PLPP7: variants seen among roughly 807,000 people sequenced by gnomAD.
PLPP7 encodes phospholipid phosphatase 7 (inactive), also known as inactive phospholipid phosphatase 7.
In PLPP7, 11 loss-of-function variants were observed where a neutral mutation model predicts 16.9. The ratio of observed to expected loss-of-function variants is 0.65; its 90% CI spans 0.41 to 1.08. The LOEUF (loss-of-function observed/expected upper bound fraction) is 1.08, where lower values mean the gene tolerates loss of function less well. Ranked by LOEUF, PLPP7 falls within the 50% of genes least tolerant of loss-of-function variation. The pLI is 0.00. For missense variants in PLPP7, 358 were observed against 397.1 expected (o/e 0.90, Z 0.84); for synonymous variants, 174 against 175.1 (o/e 0.99, Z 0.05).
At chr9:131,293,405 G>A (rs985520599) in intron 1 of PLPP7, among the ~76,000 whole-genome samples, 3 of 152,224 alleles carry the variant, frequency 2.0e-5, no homozygotes, top group African/African-American at 7.2e-5. Context: ...GAGCAGGCCG[G>A]GTGGGTCTGG....
At chr9:131,291,178 A>T in intron 1 of PLPP7, 1 of 1,365,582 alleles carries the variant, frequency 7.3e-7, no homozygotes, top group African/African-American at 1.5e-5. Context: ...CTCCACCCAG[A>T]GGTGATGCCC....
chr9:131,305,220 C>T (rs994272698), intron 1 of PLPP7, among the ~76,000 whole-genome samples: 9 of 152,176 alleles, frequency 5.9e-5, no homozygotes, highest in African/African-American at 1.4e-4. Context: ...AGCCGAAAGG[C>T]GCAAACAACT....
chr9:131,297,298 C>T (rs985228638), intron 1 of PLPP7, among the ~76,000 whole-genome samples: 23 of 152,204 alleles, frequency 1.5e-4, no homozygotes, highest in African/African-American at 4.1e-4. Context: ...GAATAACCAG[C>T]GCCATCAGTC....
chr9:131,298,971 G>T (rs562058849), intron 1 of PLPP7, among the ~76,000 whole-genome samples: 1 of 152,348 alleles, frequency 6.6e-6, no homozygotes, highest in South Asian at 2.1e-4. Flanking sequence ...AGTGGAGCTG[G>T]TTGGGACGGA....
intron 1 of PLPP7, among the ~76,000 whole-genome samples, chr9:131,300,271 A>G (rs485314): frequency 0.67 from 101,915 of 152,036 alleles, 35,076 homozygotes; most frequent in Middle Eastern, 0.78. Context: ...CCATTCATAA[A>G]GGGAGAGCCC....
chr9:131,293,243 C>CA (rs201507305), intron 1 of PLPP7, among the ~76,000 whole-genome samples: 4 of 97,992 alleles, frequency 4.1e-5, no homozygotes, highest in Non-Finnish European at 9.2e-5. Context: ...GGCTGCAGGT[C>CA]GGGCATATCA....
chr9:131,305,473 G>A (rs1001988221), intron 1 of PLPP7, among the ~76,000 whole-genome samples: 10 of 151,256 alleles, frequency 6.6e-5, no homozygotes, highest in Admixed American at 1.3e-4. Context: ...AGGATCTCTC[G>A]AGCCCAGGAA....
At position 131,298,984 on chromosome 9, in the gene PLPP7, A is replaced by C. The variant is rs547777221; in HGVS notation, c.451+8536A>C. Among the ~76,000 whole-genome samples, 10 of 152,166 alleles carry C rather than the reference A, an allele frequency of 6.6e-5. 1 individual carries two copies. Among genetic ancestry groups the C allele is most frequent in the South Asian group, 4.2e-4 (2 of 4,810 alleles). ...AAAGTGGAGCTGGTTGGGACGGAAGAGCGTGAGGGGTGGTGGACAAGCCCT... is the reference window on the plus strand; with the variant it reads ...AAAGTGGAGCTGGTTGGGACGGAAGCGCGTGAGGGGTGGTGGACAAGCCCT... On this transcript the variant is annotated intron_variant, in intron 1 of 1. Transcript: ENST00000372264.
At chr9:131,304,565 G>T (rs1469889636) in intron 1 of PLPP7, among the ~76,000 whole-genome samples, 2 of 152,186 alleles carry the variant, frequency 1.3e-5, no homozygotes, top group Non-Finnish European at 2.9e-5. Flanking sequence ...AACCCGGAAG[G>T]CGGAGATTGC....
At chr9:131,298,597 G>T (rs1352934291) in intron 1 of PLPP7, among the ~76,000 whole-genome samples, 1 of 152,190 alleles carries the variant, frequency 6.6e-6, no homozygotes, top group African/African-American at 2.4e-5. Context: ...GCCACAAAGG[G>T]CCACACTAGG....
At chr9:131,291,018 T>C (rs2131211421) in intron 1 of PLPP7, 1 of 1,342,302 alleles carries the variant, frequency 7.4e-7, no homozygotes, top group East Asian at 4.6e-5. Context: ...AGTTCTTCCC[T>C]GCTCCTTCCC....
chr9:131,292,536 T>C (rs570685785), intron 1 of PLPP7, among the ~76,000 whole-genome samples: 3 of 152,310 alleles, frequency 2.0e-5, no homozygotes, highest in South Asian at 2.1e-4. Context: ...TAGTCAGTGA[T>C]GGAGCCAGGA....
intron 1 of PLPP7, among the ~76,000 whole-genome samples, chr9:131,302,215 A>T (rs976707523): frequency 4.6e-5 from 7 of 151,794 alleles, no homozygotes; most frequent in Non-Finnish European, 1.0e-4. Flanking sequence ...CCCACCTGTG[A>T]CTCCAGAGCC....
intron 1 of PLPP7, among the ~76,000 whole-genome samples, chr9:131,304,327 G>GGAA: frequency 6.6e-6 from 1 of 152,186 alleles, no homozygotes; most frequent in East Asian, 1.9e-4. Context: ...GGTCTCCCCT[G>GGAA]TGTTTCCGAA....
In PLPP7 at chr9:131,290,269, G is replaced by A; in HGVS notation, c.272G>A (p.Cys91Tyr). ...AFNSLLAIDICMSKRLGVCAG... is the reference protein window; with the variant it reads ...AFNSLLAIDIYMSKRLGVCAG... ...AACTCCCTGCTGGCCATCGATATCT[G>A]TATGTCCAAGCGGCTGGGGGTGTGC... is the stretch of plus-strand genomic sequence containing the variant. Residue 91 changes from cysteine (C) to tyrosine (Y), a missense_variant, in exon 1 of 2, where the codon TGT (cysteine) becomes TAT (tyrosine). By Grantham distance (194) the Cys-to-Tyr change is radical. Coordinates refer to ENST00000372264, the MANE Select transcript of PLPP7 (RefSeq NM_032728.4). The surrounding 1 kb of genome is among the most constrained non-coding windows in gnomAD (Gnocchi z 4.2). 1 of 1,612,578 alleles carries A rather than the reference G, an allele frequency of 6.2e-7. No individual in the cohort carries two copies. The highest frequency in any genetic ancestry group is 8.5e-7 in the Non-Finnish European group (1 of 1,179,302).
In PLPP7 at chr9:131,296,241, G is replaced by GT. The variant is rs1835733715; in HGVS notation, c.451+5799dup. On this transcript the variant is annotated intron_variant, in intron 1 of 1. Coordinates refer to ENST00000372264, the MANE Select transcript of PLPP7 (RefSeq NM_032728.4). ...TTGTGGTTTTGGGTATTTTTTGTTT[G>GT]TTTTTTGTTTCGTTTTGGGGGTTTT... Among the ~76,000 whole-genome samples the GT allele has an allele frequency of 4.6e-5, 7 of 152,182 alleles. No individual in the cohort carries two copies. In the South Asian group the frequency reaches 1.2e-3, roughly 27 times the overall value.
At chr9:131,302,279 C>A (rs1339225638) in intron 1 of PLPP7, among the ~76,000 whole-genome samples, 1 of 152,170 alleles carries the variant, frequency 6.6e-6, no homozygotes, top group Admixed American at 6.5e-5. Flanking sequence ...GTGGAGAAAG[C>A]CTGTCACCAG....
At chr9:131,298,378 C>T (rs1323926550) in intron 1 of PLPP7, among the ~76,000 whole-genome samples, 3 of 152,174 alleles carry the variant, frequency 2.0e-5, no homozygotes, top group African/African-American at 7.2e-5. Flanking sequence ...TCCTCCCAAC[C>T]CAGCCGGAGA....
chr9:131,298,831 G>A (rs962685681), intron 1 of PLPP7, among the ~76,000 whole-genome samples: 1 of 152,200 alleles, frequency 6.6e-6, no homozygotes, highest in Non-Finnish European at 1.5e-5. Context: ...AGAAGGGTGG[G>A]CCTCGAGGTG....
Sources: allele counts gnomAD v4.1 joint callset (sites outside exome capture counted in the v4.1 genomes callset), GRCh38; gene constraint gnomAD v4.1.1; non-coding constraint Gnocchi (gnomAD v3.1); transcripts MANE v1.5; gene names NCBI Gene and HGNC (gene_info 2026-07-23, HGNC 2026-07-21).